The following PPT1 variants were observed in gnomAD, a reference collection of about 807,000 sequenced individuals.
PPT1 encodes palmitoyl-protein thioesterase 1, also known as ceroid-palmitoyl-palmitoyl-protein thioesterase 1.
In PPT1, 24 loss-of-function variants were observed where a neutral mutation model predicts 44.0. The ratio of observed to expected loss-of-function variants is 0.54; its 90% confidence interval spans 0.39 to 0.77. The LOEUF (loss-of-function observed/expected upper bound fraction) is 0.77, where lower values mean the gene tolerates loss of function less well. Ranked by LOEUF, PPT1 falls within the 30% of genes least tolerant of loss-of-function variation. The pLI, the probability that PPT1 is intolerant of heterozygous loss-of-function variation, is 0.00. For synonymous variants in PPT1, 148 were observed against 140.2 expected (o/e 1.06, Z -0.39); for missense variants, 341 against 378.8 (o/e 0.90, Z 0.83).
chr1:40,091,477 T>C (rs1389803369), intron 3 of PPT1, 78 bp from the exon 4 acceptor site: 24 of 1,330,688 alleles, frequency 1.8e-5, no homozygotes, highest in Non-Finnish European at 2.6e-5. Flanking sequence ...CAGATTAAGC[T>C]AGTCATCCTC....
At chr1:40,090,313 C>G (rs1467226458) in intron 4 of PPT1, among the ~76,000 whole-genome samples, 1 of 151,970 alleles carries the variant, frequency 6.6e-6, no homozygotes, top group African/African-American at 2.4e-5. Context: ...CACCATGTGC[C>G]CAGCTATCCT....
Position 40,092,673 on chromosome 1 carries a change from T to A in PPT1, c.125-166A>T, listed in dbSNP as rs4492608. On this transcript the variant is annotated intron_variant, in intron 1 of 8. Transcript: ENST00000642050. ...TGATAAGGGCTTAATATCCAGAATA[T>A]ACAAGGAATCTATAACTCACTTACA... is the stretch of plus-strand genomic sequence containing the variant. 0.65 allele frequency among the ~76,000 whole-genome samples: 98,301 copies of A among 151,698 alleles called. 32,546 individuals are homozygous for A. Among genetic ancestry groups the A allele is most frequent in the Non-Finnish European group, 0.72 (48,891 of 67,796 alleles).
intron 6 of PPT1, among the ~76,000 whole-genome samples, chr1:40,079,392 CTTTT>C (rs11464192): frequency 4.4e-5 from 4 of 90,116 alleles, no homozygotes; most frequent in South Asian, 4.3e-4. Flanking sequence ...TTTTCTTTTC[CTTTT>C]TTTTTTTTTT....
chr1:40,086,711 T>C (rs569476759), intron 5 of PPT1, among the ~76,000 whole-genome samples: 3 of 151,838 alleles, frequency 2.0e-5, no homozygotes, highest in African/African-American at 4.8e-5. Flanking sequence ...AATTAAACAT[T>C]TGGAAGCCGT....
At chr1:40,094,496 A>C (rs1025556927) in intron 1 of PPT1, among the ~76,000 whole-genome samples, 2 of 152,154 alleles carry the variant, frequency 1.3e-5, no homozygotes, top group Non-Finnish European at 1.5e-5. Flanking sequence ...CTAGGGCACA[A>C]AATTTAAGGA....
chr1:40,085,112 CCTGTGATG>C (rs2124479581), intron 5 of PPT1, among the ~76,000 whole-genome samples: 1 of 152,124 alleles, frequency 6.6e-6, no homozygotes, highest in Non-Finnish European at 1.5e-5. Context: ...CAACCATCTC[CCTGTGATG>C]CTGTGCTTCA....
chr1:40,071,467 T>C (rs762079836), downstream of PPT1: 5 of 1,612,866 alleles, frequency 3.1e-6, no homozygotes, highest in East Asian at 4.5e-5. Flanking sequence ...TCCCAGTTCC[T>C]GAGCAGTTCA....
chr1:40,071,517 C>T (rs1315643445), downstream of PPT1: 1 of 1,612,710 alleles, frequency 6.2e-7, no homozygotes, highest in Admixed American at 1.7e-5. Flanking sequence ...ACCACAGTGA[C>T]AGAAATTGCT....
intron 5 of PPT1, among the ~76,000 whole-genome samples, chr1:40,082,474 A>G (rs1378716124): frequency 4.6e-5 from 7 of 152,190 alleles, no homozygotes; most frequent in Non-Finnish European, 2.9e-5. Flanking sequence ...CAGTGAACAC[A>G]CAAATAATAA....
chr1:40,085,464 G>C (rs574557377), intron 5 of PPT1, among the ~76,000 whole-genome samples: 1 of 151,982 alleles, frequency 6.6e-6, no homozygotes, highest in Non-Finnish European at 1.5e-5. Context: ...GTGGTCCCCC[G>C]GGCCCAGCTG....
intron 8 of PPT1, among the ~76,000 whole-genome samples, chr1:40,075,635 T>C (rs1304746076): frequency 1.3e-5 from 2 of 152,034 alleles, no homozygotes; most frequent in Admixed American, 6.6e-5. Context: ...GGTTCAGATG[T>C]AGTACTTAGC....
chr1:40,078,963 T>G, intron 6 of PPT1: 1 of 382,838 alleles, frequency 2.6e-6, no homozygotes, highest in Admixed American at 3.6e-5. Context: ...GTGAACACAG[T>G]GCCCAACAGG....
At chr1:40,089,680 C>G (rs547418042) in intron 4 of PPT1, 168 bp from the exon 5 acceptor site, 22 of 684,112 alleles carry the variant, frequency 3.2e-5, no homozygotes, top group African/African-American at 3.2e-4. Context: ...CCAGCTTCCT[C>G]CTGGTGCTGC....
intron 5 of PPT1, among the ~76,000 whole-genome samples, chr1:40,088,780 G>C (rs767299110): frequency 6.6e-6 from 1 of 152,186 alleles, no homozygotes; most frequent in Non-Finnish European, 1.5e-5. Flanking sequence ...ATGACATAAA[G>C]AATCTGTCCT....
intron 1 of PPT1, among the ~76,000 whole-genome samples, chr1:40,095,220 G>A (rs1649785317): frequency 6.6e-6 from 1 of 152,048 alleles, no homozygotes; most frequent in Non-Finnish European, 1.5e-5. Context: ...TTGGCTTCAA[G>A]GACACTGCGC....
downstream of PPT1, chr1:40,072,448 G>C: frequency 5.3e-6 from 1 of 188,088 alleles, no homozygotes; most frequent in Non-Finnish European, 1.1e-5. Flanking sequence ...CTTGAATTAT[G>C]TAAGAATCTT....
rs113022418 is a variant in PPT1, at chr1:40,092,787, G to GGCATGTGAAAA, written c.125-281_125-280insTTTTCACATGC. ...GAAGATATACAAATGGCTAACCACTGGCATGTGAAATGCAAACCAAAACCA... is the reference window on the plus strand; with the variant it reads ...GAAGATATACAAATGGCTAACCACTGGCATGTGAAAAGCATGTGAAATGCAAACCAAAACCA... On this transcript the variant is annotated intron_variant, in intron 1 of 8. Transcript: ENST00000642050. Among the ~76,000 whole-genome samples, 127,912 of 151,630 alleles carry GGCATGTGAAAA rather than the reference G, an allele frequency of 0.84. 54,211 individuals are homozygous for GGCATGTGAAAA. The highest frequency in any genetic ancestry group is 0.89 in the Non-Finnish European group (60,232 of 67,842).
intron 3 of PPT1, 90 bp from the exon 4 acceptor site, chr1:40,091,489 G>A: frequency 2.6e-6 from 3 of 1,166,716 alleles, no homozygotes; most frequent in East Asian, 2.5e-5. Flanking sequence ...GTCATCCTCT[G>A]TGACTCCCCA....
chr1:40,074,812 T>C (rs1648528718), intron 8 of PPT1, among the ~76,000 whole-genome samples: 1 of 152,140 alleles, frequency 6.6e-6, no homozygotes, highest in South Asian at 2.1e-4. Context: ...TTGAGATTGC[T>C]CTATACAGTG....
Sources: gnomAD v4.1 joint callset for allele counts (sites outside exome capture counted in the v4.1 genomes callset) on GRCh38, gnomAD v4.1.1 for gene constraint, MANE v1.5 for transcripts, NCBI Gene and HGNC (gene_info 2026-07-23, HGNC 2026-07-21) for gene names.